The following TPST1 variants were observed in gnomAD, a reference collection of about 807,000 sequenced individuals.
TPST1 encodes the protein tyrosylprotein sulfotransferase 1.
In TPST1, 20 loss-of-function variants were observed where a neutral mutation model predicts 34.8. The ratio of observed to expected loss-of-function variants is 0.57; its 90% CI spans 0.40 to 0.84. TPST1 has a LOEUF of 0.84. Ranked by LOEUF, TPST1 falls within the 40% of genes least tolerant of loss-of-function variation. TPST1 has a pLI of 0.00. For synonymous variants in TPST1, 152 were observed against 159.4 expected (o/e 0.95, Z 0.35); for missense variants, 353 against 455.5 (o/e 0.78, Z 2.05).
chr7:66,210,302 A>G (rs992552466), intron 1 of TPST1, among the ~76,000 whole-genome samples: 1 of 152,244 alleles, frequency 6.6e-6, no homozygotes, highest in African/African-American at 2.4e-5. Context: ...GGAGGAAGCC[A>G]ATGATAACAT....
intron 3 of TPST1, among the ~76,000 whole-genome samples, chr7:66,324,776 GGGTGA>G (rs1791825306): frequency 2.2e-5 from 3 of 136,248 alleles, no homozygotes. Flanking sequence ...ACTCCAGCCT[GGGTGA>G]CAGAGTAAGA....
chr7:66,303,173 G>A (rs150632414), intron 3 of TPST1, among the ~76,000 whole-genome samples: 1,650 of 151,998 alleles, frequency 0.011, 17 homozygotes, highest in Non-Finnish European at 0.018. Context: ...TTAAACTAAG[G>A]ACATGCCAGA....
intron 2 of TPST1, among the ~76,000 whole-genome samples, chr7:66,268,916 C>G (rs1416062599): frequency 6.6e-6 from 1 of 152,170 alleles, no homozygotes; most frequent in Non-Finnish European, 1.5e-5. Context: ...CTCCTGACTT[C>G]AGGTGATCCG....
intron 1 of TPST1, 143 bp from the exon 2 acceptor site, chr7:66,240,182 C>T (rs900079668): frequency 5.7e-5 from 27 of 473,042 alleles, no homozygotes; most frequent in African/African-American, 4.0e-5. Flanking sequence ...CCACCGCGCC[C>T]GGTCTCAATT....
At chr7:66,238,560 G>A (rs1428787774) in intron 1 of TPST1, among the ~76,000 whole-genome samples, 1 of 152,118 alleles carries the variant, frequency 6.6e-6, no homozygotes, top group East Asian at 1.9e-4. Context: ...CACAGGCAGG[G>A]TTTCTATGTT....
chr7:66,271,920 C>G (rs2115808234), intron 2 of TPST1, among the ~76,000 whole-genome samples: 1 of 151,986 alleles, frequency 6.6e-6, no homozygotes, highest in African/African-American at 2.4e-5. Flanking sequence ...AGAGCCTAAA[C>G]TATTTGCTGT....
intron 3 of TPST1, among the ~76,000 whole-genome samples, chr7:66,338,938 C>G (rs1043126761): frequency 1.3e-5 from 2 of 151,654 alleles, no homozygotes; most frequent in Non-Finnish European, 1.5e-5. Context: ...TTCTTTTTTT[C>G]TCCGTGAAAA....
At chr7:66,333,047 A>G (rs776859407) in intron 3 of TPST1, among the ~76,000 whole-genome samples, 82 of 152,176 alleles carry the variant, frequency 5.4e-4, no homozygotes, top group Non-Finnish European at 7.4e-4. Context: ...ACTTTAGCCA[A>G]TGCTCAGAAT....
At chr7:66,217,999 C>T (rs902044037) in intron 1 of TPST1, among the ~76,000 whole-genome samples, 3 of 152,140 alleles carry the variant, frequency 2.0e-5, no homozygotes, top group Admixed American at 6.5e-5. Flanking sequence ...CCTGCCTCAG[C>T]CTCCTGAGTA....
intron 3 of TPST1, among the ~76,000 whole-genome samples, chr7:66,335,429 T>G (rs897762847): frequency 6.6e-6 from 1 of 151,314 alleles, no homozygotes; most frequent in Non-Finnish European, 1.5e-5. Flanking sequence ...AACGCCAGCC[T>G]GGGCAACAGA....
intron 5 of TPST1, among the ~76,000 whole-genome samples, chr7:66,358,588 G>A (rs1792629186): frequency 6.6e-6 from 1 of 152,128 alleles, no homozygotes; most frequent in African/African-American, 2.4e-5. Context: ...ATGGATTATA[G>A]ACATAAGAAG....
intron 3 of TPST1, among the ~76,000 whole-genome samples, chr7:66,343,653 C>T (rs1792284127): frequency 6.6e-6 from 1 of 152,164 alleles, no homozygotes; most frequent in Non-Finnish European, 1.5e-5. Flanking sequence ...CATAAAGCCT[C>T]AAACAAGAGG....
chr7:66,199,375 A>G, the TPST1 span, among the ~76,000 whole-genome samples: 1 of 144,914 alleles, frequency 6.9e-6, no homozygotes, highest in East Asian at 2.0e-4. Context: ...GCTCACTGCA[A>G]CCGCCACCTC....
At chr7:66,319,617 A>G (rs1000473787) in intron 3 of TPST1, among the ~76,000 whole-genome samples, 6 of 152,208 alleles carry the variant, frequency 3.9e-5, no homozygotes, top group Admixed American at 6.5e-5. Flanking sequence ...GTCCAGATAC[A>G]CAGTTTTGAG....
At chr7:66,354,852 T>C (rs1356603501) in intron 4 of TPST1, among the ~76,000 whole-genome samples, 4 of 151,794 alleles carry the variant, frequency 2.6e-5, no homozygotes, top group African/African-American at 4.8e-5. Flanking sequence ...AAAAATTAGC[T>C]GGGTGTGGTG....
At chr7:66,242,624 T>A (rs1345369012) in intron 2 of TPST1, among the ~76,000 whole-genome samples, 1 of 152,204 alleles carries the variant, frequency 6.6e-6, no homozygotes, top group African/African-American at 2.4e-5. Flanking sequence ...TAGACTATAA[T>A]TGATTTTTAA....
chr7:66,278,066 C>T (rs1790854484), intron 2 of TPST1, among the ~76,000 whole-genome samples: 1 of 129,034 alleles, frequency 7.7e-6, no homozygotes, highest in South Asian at 2.5e-4. Context: ...TGCCACTGCA[C>T]TCCAGCCTGG....
chr7:66,338,094 C>T (rs547594312), intron 3 of TPST1, among the ~76,000 whole-genome samples: 1 of 152,192 alleles, frequency 6.6e-6, no homozygotes, highest in South Asian at 2.1e-4. Flanking sequence ...ACAAGAAACT[C>T]ACTTCATCTG....
intron 3 of TPST1, among the ~76,000 whole-genome samples, chr7:66,314,811 A>G (rs937495): frequency 0.61 from 92,609 of 152,052 alleles, 28,763 homozygotes; most frequent in African/African-American, 0.73. Context: ...ATATAAACAT[A>G]TCTAAACATA....
Sources: allele counts gnomAD v4.1 joint callset (sites outside exome capture counted in the v4.1 genomes callset), GRCh38; gene constraint gnomAD v4.1.1; transcripts MANE v1.5; gene names NCBI Gene and HGNC (gene_info 2026-07-23, HGNC 2026-07-21).